CNDP1: variants seen among roughly 807,000 people sequenced by gnomAD.
CNDP1 encodes the protein beta-Ala-His dipeptidase.
In CNDP1, 44 loss-of-function variants were observed where a neutral mutation model predicts 58.1. That is an observed-to-expected ratio of 0.76 (90% confidence interval 0.60 to 0.97). CNDP1 has a LOEUF of 0.97. Ranked by LOEUF, CNDP1 falls within the 50% of genes least tolerant of loss-of-function variation. The pLI is 0.00. For missense variants in CNDP1, 616 were observed against 655.1 expected, an observed-to-expected ratio of 0.94 and a Z score of 0.65; for synonymous variants, 254 against 252.6, an observed-to-expected ratio of 1.01 and a Z score of -0.05.
intron 8 of CNDP1, 42 bp from the exon 9 acceptor site, chr18:74,578,121 G>A (rs531054735): frequency 3.0e-5 from 48 of 1,575,316 alleles, no homozygotes; most frequent in Non-Finnish European, 4.1e-5. Context: ...GGTCCACTGG[G>A]TTCTAATTAA....
Position 74,534,581 on chromosome 18 carries a change from T to A in CNDP1, c.-87T>A. The A allele has an allele frequency of 7.1e-7, 1 of 1,402,618 alleles. No homozygotes were observed. The highest frequency in any genetic ancestry group is 1.2e-5 in the South Asian group (1 of 85,222). 86.9% of individuals were successfully genotyped at this position (1,402,618 alleles called of 1,614,324 possible). On this transcript the variant is annotated 5_prime_UTR_variant, in exon 1 of 12. Coordinates refer to ENST00000358821, the MANE Select transcript of CNDP1 (RefSeq NM_032649.6). ...TCAGGGCACAGAGAGATATTTAATG[T>A]CACCCTCTTGGGGCTTTCATGGGAC...
At chr18:74,553,149 T>C (rs1980952000) in intron 1 of CNDP1, among the ~76,000 whole-genome samples, 1 of 152,254 alleles carries the variant, frequency 6.6e-6, no homozygotes, top group African/African-American at 2.4e-5. Flanking sequence ...TATTGAACTG[T>C]AATTGTCATT....
intron 6 of CNDP1, among the ~76,000 whole-genome samples, chr18:74,570,386 G>C (rs1370687362): frequency 6.6e-6 from 1 of 152,130 alleles, no homozygotes; most frequent in Non-Finnish European, 1.5e-5. Flanking sequence ...CAGAGCCTTT[G>C]GTGGCAGATG....
intron 1 of CNDP1, among the ~76,000 whole-genome samples, chr18:74,544,511 G>C (rs1020862718): frequency 1.3e-5 from 2 of 152,072 alleles, no homozygotes; most frequent in Admixed American, 6.5e-5. Context: ...GAGGTCAGGA[G>C]TTCGAGACCA....
In CNDP1 at chr18:74,562,115, G is replaced by C; in HGVS notation, c.535G>C (p.Ala179Pro). The part of the protein sequence containing the change: ...PVLAWINAVS[A>P]FRALEQDLPV... ...CTTGGCTTGGATCAATGCTGTGAGC[G>C]CCTTCAGAGCCCTGGAGCAAGTAGG... is the stretch of plus-strand genomic sequence containing the variant. The change falls in exon 5 of 12, where the codon GCC (alanine) becomes CCC (proline). Residue 179 changes from alanine (A) to proline (P), a missense_variant. Transcript: ENST00000358821. The C allele has an allele frequency of 6.2e-7, 1 of 1,614,046 alleles. No homozygotes were observed. Among genetic ancestry groups the C allele is most frequent in the East Asian group, 2.2e-5 (1 of 44,872 alleles).
intron 1 of CNDP1, among the ~76,000 whole-genome samples, chr18:74,546,632 C>T (rs1296127448): frequency 1.3e-5 from 2 of 152,176 alleles, no homozygotes; most frequent in African/African-American, 4.8e-5. Context: ...TTCCTAAGTG[C>T]TAGTGCCTGA....
chr18:74,575,316 C>T (rs556491750), intron 7 of CNDP1, among the ~76,000 whole-genome samples: 76 of 152,302 alleles, frequency 5.0e-4, no homozygotes, highest in Admixed American at 1.6e-3. Flanking sequence ...AGGTACAGTG[C>T]GTGCTTAGAA....
At chr18:74,575,097 GAAAA>G (rs936703896) in intron 7 of CNDP1, among the ~76,000 whole-genome samples, 13 of 139,248 alleles carry the variant, frequency 9.3e-5, no homozygotes, top group Non-Finnish European at 1.9e-4. Flanking sequence ...AGGAAGGAAA[GAAAA>G]AAGAAGGAAA....
Position 74,584,831 on chromosome 18 carries a change from C to T in CNDP1, c.*269C>T. 1 of 402,642 alleles carries T rather than the reference C, an allele frequency of 2.5e-6. No homozygotes were observed. Among genetic ancestry groups the T allele is most frequent in the Non-Finnish European group, 4.5e-6 (1 of 222,142 alleles). The allele number at this position is 402,642 out of a possible 1,614,324, so 24.9% of individuals were successfully genotyped here. A position where few individuals can be genotyped will look rare whatever the true frequency, so the allele number is the denominator to read the frequency against. On this transcript the variant is annotated 3_prime_UTR_variant, in exon 12 of 12. Transcript: ENST00000358821. ...ATTTCCCCAAGTCCTGTGCAATAGC[C>T]CCAGGATTGGATTCCTTCAAACCTT... is the stretch of plus-strand genomic sequence containing the variant.
At chr18:74,557,211 C>T (rs1471411233) in intron 2 of CNDP1, among the ~76,000 whole-genome samples, 1 of 151,150 alleles carries the variant, frequency 6.6e-6, no homozygotes. Context: ...AGCCACCATG[C>T]CTGGCCCTCT....
At position 74,578,343 on chromosome 18, in the gene CNDP1, T is replaced by C. The variant is rs1599102579; in HGVS notation, c.1167+16T>C. The C allele has an allele frequency of 6.3e-7, 1 of 1,593,918 alleles. No individual in the cohort carries two copies. The highest frequency in any genetic ancestry group is 8.6e-7 in the Non-Finnish European group (1 of 1,168,572). ...GGAAAAACAGGTAACAAATGCTTAT[T>C]GTGACAATAACATGTTTCAGTAACA... On this transcript the variant is annotated intron_variant, in intron 9 of 11. Coordinates refer to ENST00000358821, the MANE Select transcript of CNDP1 (RefSeq NM_032649.6).
chr18:74,582,265 G>C (rs140638663), intron 10 of CNDP1, among the ~76,000 whole-genome samples: 3 of 152,156 alleles, frequency 2.0e-5, no homozygotes, highest in Admixed American at 2.0e-4. Context: ...TTCGATTCAC[G>C]TCCACATCTT....
intron 1 of CNDP1, among the ~76,000 whole-genome samples, chr18:74,546,724 C>G (rs974034634): frequency 2.6e-5 from 4 of 152,222 alleles, no homozygotes; most frequent in African/African-American, 9.6e-5. Flanking sequence ...TCCTCCATCC[C>G]CTGGCTTCGG....
intron 1 of CNDP1, among the ~76,000 whole-genome samples, chr18:74,536,092 A>G (rs1046428765): frequency 2.0e-5 from 3 of 152,192 alleles, no homozygotes; most frequent in Non-Finnish European, 4.4e-5. Context: ...GATATGAAAG[A>G]GAGGAAGAGA....
At chr18:74,576,724 T>G in intron 7 of CNDP1, 145 bp from the exon 8 acceptor site, 1 of 578,752 alleles carries the variant, frequency 1.7e-6, no homozygotes, top group Non-Finnish European at 2.9e-6. Context: ...TGGATGGAGT[T>G]GCTGCCAATG....
At chr18:74,556,892 T>C (rs1192782741) in intron 2 of CNDP1, among the ~76,000 whole-genome samples, 2 of 152,210 alleles carry the variant, frequency 1.3e-5, no homozygotes, top group African/African-American at 4.8e-5. Flanking sequence ...AGGCACTTTA[T>C]CTCCTTCATT....
At chr18:74,535,580 C>CTT (rs10685765) in intron 1 of CNDP1, among the ~76,000 whole-genome samples, 68 of 106,378 alleles carry the variant, frequency 6.4e-4, no homozygotes, top group Non-Finnish European at 7.1e-4. Flanking sequence ...CCATTGCTGA[C>CTT]TTTTTTTTTT....
At chr18:74,541,757 C>T (rs1490192358) in intron 1 of CNDP1, among the ~76,000 whole-genome samples, 3 of 152,136 alleles carry the variant, frequency 2.0e-5, no homozygotes, top group African/African-American at 4.8e-5. Context: ...CTCCTCAGGC[C>T]CCACAATGCC....
At chr18:74,574,012 G>C (rs1238009742) in intron 7 of CNDP1, among the ~76,000 whole-genome samples, 1 of 152,230 alleles carries the variant, frequency 6.6e-6, no homozygotes, top group Non-Finnish European at 1.5e-5. Context: ...ATGACAAGCA[G>C]GAATTTTGCT....
Sources: gnomAD v4.1 joint callset for allele counts (sites outside exome capture counted in the v4.1 genomes callset) on GRCh38, gnomAD v4.1.1 for gene constraint, MANE v1.5 for transcripts, NCBI Gene and HGNC (gene_info 2026-07-23, HGNC 2026-07-21) for gene names.